The following ARID2 variants were observed in gnomAD, a reference collection of about 807,000 sequenced individuals.
ARID2 encodes the protein AT-rich interaction domain 2.
A neutral mutation model predicts 184.6 loss-of-function variants in ARID2; 32 were observed. The observed-to-expected ratio is 0.17, with a 90% CI of 0.13 to 0.23. The LOEUF (loss-of-function observed/expected upper bound fraction) is 0.23, where lower values mean the gene tolerates loss of function less well. Ranked by LOEUF, ARID2 falls within the 10% of genes least tolerant of loss-of-function variation. The pLI is 1.00. For missense variants in ARID2, 1,696 were observed against 2,197.6 expected (o/e 0.77, Z 4.56); for synonymous variants, 836 against 772.6 (o/e 1.08, Z -1.36).
chr12:45,780,364 A>G (rs1942066622), intron 3 of ARID2, among the ~76,000 whole-genome samples: 1 of 152,130 alleles, frequency 6.6e-6, no homozygotes, highest in Non-Finnish European at 1.5e-5. Context: ...CTTTTGGGGG[A>G]GGAGTACTTT....
Position 45,849,712 on chromosome 12 carries a change from A to G in ARID2, c.1848A>G (p.Pro616=), listed in dbSNP as rs1399423213. 1.9e-6 allele frequency: 3 copies of G among 1,613,838 alleles called. No homozygotes were observed. In the South Asian group the frequency reaches 3.3e-5, roughly 18 times the overall value. The change falls in exon 14 of 21, where the codon CCA becomes CCG. Residue 616 remains proline, a synonymous_variant. Coordinates refer to ENST00000334344, the MANE Select transcript of ARID2 (RefSeq NM_152641.4). Reference sequence around the variant, plus strand: ...TTCAGATGTACTATCAGCAGCAACCAGTTTCTACTTCTGTTGTTCGTGTTG... The same window carrying G: ...TTCAGATGTACTATCAGCAGCAACCGGTTTCTACTTCTGTTGTTCGTGTTG... The part of the protein sequence containing the change: ...LPIQMYYQQQ[P]VSTSVVRVDS...
intron 3 of ARID2, among the ~76,000 whole-genome samples, chr12:45,794,829 T>C (rs935985744): frequency 6.6e-6 from 1 of 152,226 alleles, no homozygotes; most frequent in African/African-American, 2.4e-5. Context: ...TTATAAATTA[T>C]GTGGTAGAAC....
Position 45,892,108 on chromosome 12 carries a change from G to T in ARID2, c.5147+12G>T, listed in dbSNP as rs183046675. ...AAGTCTTCTACCAAGTAAGGAAAAT[G>T]AGTTTACTTCCTGTTGTACATACAA... On this transcript the variant is annotated intron_variant, in intron 18 of 20. Coordinates refer to ENST00000334344, the MANE Select transcript of ARID2 (RefSeq NM_152641.4). 1 of 1,610,134 alleles carries T rather than the reference G, an allele frequency of 6.2e-7. No homozygotes were observed. Among genetic ancestry groups the T allele is most frequent in the African/African-American group, 1.3e-5 (1 of 74,796 alleles).
At chr12:45,862,925 A>C (rs974849870) in intron 16 of ARID2, among the ~76,000 whole-genome samples, 1 of 151,896 alleles carries the variant, frequency 6.6e-6, no homozygotes, top group Non-Finnish European at 1.5e-5. Context: ...TCACTACTGC[A>C]TTGCTAATAA....
At chr12:45,889,001 G>A (rs1043378617) in intron 16 of ARID2, among the ~76,000 whole-genome samples, 1 of 152,184 alleles carries the variant, frequency 6.6e-6, no homozygotes, top group South Asian at 2.1e-4. Flanking sequence ...CAGCCTGGCC[G>A]ACATGCCGAA....
intron 3 of ARID2, among the ~76,000 whole-genome samples, chr12:45,804,725 A>G (rs1942570183): frequency 6.6e-6 from 1 of 152,130 alleles, no homozygotes; most frequent in Non-Finnish European, 1.5e-5. Flanking sequence ...TGCACACACA[A>G]AAAAGCTTAA....
chr12:45,904,783 C>A, intron 20 of ARID2, 151 bp from the exon 21 acceptor site: 1 of 637,890 alleles, frequency 1.6e-6, no homozygotes. Flanking sequence ...TTCCCAGATG[C>A]TTCCCTCTCT....
intron 6 of ARID2, among the ~76,000 whole-genome samples, chr12:45,833,194 G>T (rs1210625076): frequency 1.3e-5 from 2 of 151,884 alleles, no homozygotes; most frequent in Non-Finnish European, 2.9e-5. Context: ...TAGTTTTTTT[G>T]ACTTTACTAT....
chr12:45,801,319 GA>G (rs377189116), intron 3 of ARID2, among the ~76,000 whole-genome samples: 68 of 127,666 alleles, frequency 5.3e-4, no homozygotes, highest in South Asian at 2.6e-3. Context: ...CTCAAAAAAA[GA>G]AAAAAAAAAA....
chr12:45,823,349 G>A (rs1942934279), intron 6 of ARID2, among the ~76,000 whole-genome samples: 1 of 151,936 alleles, frequency 6.6e-6, no homozygotes, highest in African/African-American at 2.4e-5. Context: ...CATCAAAAAA[G>A]TAGAAAGATT....
intron 16 of ARID2, among the ~76,000 whole-genome samples, chr12:45,876,385 T>C (rs1297845790): frequency 6.6e-6 from 1 of 151,830 alleles, no homozygotes; most frequent in African/African-American, 2.4e-5. Flanking sequence ...ACCCTGTTTC[T>C]CCTAAAAATA....
chr12:45,869,419 T>C (rs1442082283), intron 16 of ARID2, among the ~76,000 whole-genome samples: 2 of 152,204 alleles, frequency 1.3e-5, no homozygotes, highest in Non-Finnish European at 2.9e-5. Context: ...ATTACTTTTT[T>C]TTTTCCAATA....
intron 6 of ARID2, among the ~76,000 whole-genome samples, chr12:45,830,629 T>C (rs1943100042): frequency 1.3e-5 from 2 of 152,330 alleles, no homozygotes; most frequent in African/African-American, 4.8e-5. Context: ...TATAGAATTA[T>C]ATACTTTTTT....
intron 3 of ARID2, 152 bp downstream of exon 3, chr12:45,731,466 A>G: frequency 6.7e-6 from 4 of 593,518 alleles, no homozygotes; most frequent in East Asian, 2.9e-5. Context: ...AAATAAAGTG[A>G]GATTGTAGGA....
intron 3 of ARID2, among the ~76,000 whole-genome samples, chr12:45,801,281 C>T (rs752051343): frequency 4.0e-5 from 6 of 149,604 alleles, no homozygotes; most frequent in African/African-American, 1.2e-4. Context: ...CACTGCAGTC[C>T]GGCCTGGGCA....
Position 45,905,072 on chromosome 12 carries a change from G to A in ARID2, c.5502G>A (p.Leu1834=), listed in dbSNP as rs756342322. 1.2e-6 allele frequency: 2 copies of A among 1,613,016 alleles called. No individual in the cohort carries two copies. Among genetic ancestry groups the A allele is most frequent in the Non-Finnish European group, 1.7e-6 (2 of 1,179,544 alleles). ...SKEQEKDSEM[L]Q is the part of the protein sequence containing the mutation. ...AACAAGAAAAAGACTCAGAAATGCTGCAGTGAAAAATAATTCCACTTACAC... is the reference window on the plus strand; with the variant it reads ...AACAAGAAAAAGACTCAGAAATGCTACAGTGAAAAATAATTCCACTTACAC... Residue 1834 remains leucine (L), a synonymous_variant, in exon 21 of 21, where the codon CTG becomes CTA. Transcript: ENST00000334344.
At chr12:45,771,555 C>T (rs1941877470) in intron 3 of ARID2, among the ~76,000 whole-genome samples, 2 of 151,532 alleles carry the variant, frequency 1.3e-5, no homozygotes, top group African/African-American at 4.9e-5. Flanking sequence ...TGCCTGTAGT[C>T]CTAGCTGCTT....
rs544685945 is a variant in ARID2, at chr12:45,765,388, A to G, written c.284+34074A>G. 3.3e-5 allele frequency among the ~76,000 whole-genome samples: 5 copies of G among 151,968 alleles called. No homozygotes were observed. The South Asian group carries it at 8.3e-4, about 25-fold the overall frequency. Reference sequence around the variant, plus strand: ...ATCCTGGCTAATTAAAAAGTAAACTATTTGTAGAGATGGTGTCTCATCATG... The same window carrying G: ...ATCCTGGCTAATTAAAAAGTAAACTGTTTGTAGAGATGGTGTCTCATCATG... On this transcript the variant is annotated intron_variant, in intron 3 of 20. Transcript: ENST00000334344.
At chr12:45,766,020 A>T (rs2138016520) in intron 3 of ARID2, among the ~76,000 whole-genome samples, 1 of 152,328 alleles carries the variant, frequency 6.6e-6, no homozygotes, top group East Asian at 1.9e-4. Flanking sequence ...ATTGCTGAGT[A>T]GTATTCTATT....
Sources: allele counts gnomAD v4.1 joint callset (sites outside exome capture counted in the v4.1 genomes callset), GRCh38; gene constraint gnomAD v4.1.1; transcripts MANE v1.5; gene names NCBI Gene and HGNC (gene_info 2026-07-23, HGNC 2026-07-21).